Variants in ZNF407 observed in about 807,000 individuals in gnomAD.
The protein encoded by ZNF407 is zinc finger protein 407.
ZNF407 carries 17 observed loss-of-function variants against 131.2 expected under a neutral mutation model. That is an observed-to-expected ratio of 0.13 (90% CI 0.09 to 0.19). The LOEUF is 0.19. ZNF407 is among the 10% of genes least tolerant of loss of function. The pLI, the probability that ZNF407 is intolerant of heterozygous loss-of-function variation, is 1.00. For synonymous variants in ZNF407, 1,156 were observed against 1,062.0 expected, an observed-to-expected ratio of 1.09 and a Z score of -1.72; for missense variants, 2,681 against 2,830.6, an observed-to-expected ratio of 0.95 and a Z score of 1.20.
chr18:74,841,817 C>T (rs1970637763), intron 4 of ZNF407, among the ~76,000 whole-genome samples: 1 of 152,200 alleles, frequency 6.6e-6, no homozygotes, highest in African/African-American at 2.4e-5. Flanking sequence ...TCTAGGTTAT[C>T]CCTAGACTCA....
At chr18:74,980,905 C>T (rs1436449679) in intron 8 of ZNF407, among the ~76,000 whole-genome samples, 1 of 152,184 alleles carries the variant, frequency 6.6e-6, no homozygotes, top group Admixed American at 6.5e-5. Context: ...GCCCCAGACA[C>T]ACTGGGGATT....
intron 4 of ZNF407, among the ~76,000 whole-genome samples, chr18:74,788,989 A>G (rs9956335): frequency 0.65 from 98,886 of 151,796 alleles, 33,975 homozygotes; most frequent in East Asian, 0.95. Context: ...TTCTTCACCT[A>G]TTTATTCTCT....
At chr18:74,904,820 T>C (rs2554128) in intron 7 of ZNF407, among the ~76,000 whole-genome samples, 148,881 of 152,300 alleles carry the variant, frequency 0.98, 72,866 homozygotes, top group East Asian at 1. Flanking sequence ...GAAAATCTCA[T>C]ATGATAAATA....
intron 8 of ZNF407, among the ~76,000 whole-genome samples, chr18:75,007,130 G>C (rs1002287654): frequency 2.8e-4 from 43 of 152,028 alleles, no homozygotes; most frequent in African/African-American, 1.0e-3. Context: ...TGGAAAACTT[G>C]GTGTTTTGGC....
At chr18:74,885,286 A>G (rs1971292795) in intron 6 of ZNF407, among the ~76,000 whole-genome samples, 1 of 152,206 alleles carries the variant, frequency 6.6e-6, no homozygotes, top group Non-Finnish European at 1.5e-5. Context: ...ATATTTAAAG[A>G]TAAAGTTAAT....
chr18:75,059,567 C>T (rs1411685716), intron 8 of ZNF407, among the ~76,000 whole-genome samples: 1 of 152,012 alleles, frequency 6.6e-6, no homozygotes, highest in Non-Finnish European at 1.5e-5. Flanking sequence ...GTGAAGATGG[C>T]GCTGGGTAGA....
At chr18:74,970,698 C>T (rs1972462697) in intron 8 of ZNF407, among the ~76,000 whole-genome samples, 1 of 152,228 alleles carries the variant, frequency 6.6e-6, no homozygotes, top group Non-Finnish European at 1.5e-5. Context: ...CTTTCCTGGG[C>T]TGGTGTTGAG....
intron 4 of ZNF407, among the ~76,000 whole-genome samples, chr18:74,787,524 G>T (rs1165743007): frequency 6.6e-6 from 1 of 152,192 alleles, no homozygotes; most frequent in African/African-American, 2.4e-5. Flanking sequence ...CCTCTGCGGG[G>T]TGGAGAGCCT....
At chr18:74,883,760 G>T (rs909703986) in intron 6 of ZNF407, among the ~76,000 whole-genome samples, 6 of 152,194 alleles carry the variant, frequency 3.9e-5, no homozygotes, top group Non-Finnish European at 7.3e-5. Context: ...CAGCCCTTCT[G>T]CTGTTCATCC....
At chr18:74,704,271 C>T (rs1384676050) in intron 3 of ZNF407, among the ~76,000 whole-genome samples, 1 of 152,194 alleles carries the variant, frequency 6.6e-6, no homozygotes, top group African/African-American at 2.4e-5. Context: ...TTCGAAGCAT[C>T]TTGGCACAGG....
chr18:74,753,309 C>T (rs143481284), intron 3 of ZNF407, among the ~76,000 whole-genome samples: 2 of 152,148 alleles, frequency 1.3e-5, no homozygotes, highest in Admixed American at 1.3e-4. Flanking sequence ...TGCAAACAGG[C>T]ACAATTTGAC....
At chr18:74,818,491 TTTTTG>T (rs1438775195) in intron 4 of ZNF407, among the ~76,000 whole-genome samples, 1 of 152,240 alleles carries the variant, frequency 6.6e-6, no homozygotes, top group Non-Finnish European at 1.5e-5. Flanking sequence ...TGAGTTTGAT[TTTTTG>T]CACATGCACA....
intron 8 of ZNF407, among the ~76,000 whole-genome samples, chr18:75,055,418 C>T (rs1018987364): frequency 4.6e-5 from 7 of 152,202 alleles, no homozygotes; most frequent in African/African-American, 1.7e-4. Flanking sequence ...CTCTCCACCC[C>T]ACAAAGCCCG....
At chr18:74,713,906 T>A (rs1967830298) in intron 3 of ZNF407, among the ~76,000 whole-genome samples, 2 of 152,200 alleles carry the variant, frequency 1.3e-5, no homozygotes, top group Admixed American at 6.5e-5. Context: ...ATGGCAGAAC[T>A]AACAGTAGTG....
At chr18:74,974,110 G>A (rs894701676) in intron 8 of ZNF407, among the ~76,000 whole-genome samples, 3 of 152,168 alleles carry the variant, frequency 2.0e-5, no homozygotes, top group African/African-American at 7.2e-5. Context: ...TAGCTAATAT[G>A]AAAGGAATTT....
At chr18:74,809,013 A>AG (rs1970155381) in intron 4 of ZNF407, among the ~76,000 whole-genome samples, 1 of 152,178 alleles carries the variant, frequency 6.6e-6, no homozygotes, top group Admixed American at 6.5e-5. Context: ...CCGTGGGTAA[A>AG]TAAGAGTGCT....
Position 74,635,262 on chromosome 18 carries a change from C to A in ZNF407, c.4243C>A (p.Arg1415Ser), listed in dbSNP as rs551880785. Residue 1415 changes from arginine (R) to serine (S), a missense_variant, in exon 2 of 9, where the codon CGC (arginine) becomes AGC (serine). Arg to Ser is a moderately radical substitution (Grantham distance 110). This residue lies in a region of ZNF407 where 1,789 missense variants were observed against 1,748.7 expected (regional missense o/e 1.02). Coordinates refer to ENST00000299687, the MANE Select transcript of ZNF407 (RefSeq NM_017757.3). The surrounding 1 kb of genome is among the most constrained non-coding windows in gnomAD (Gnocchi z 4.7). ...GSSIGESTRI[R>S]CDDCGFLADG... ...TTCCATTGGTGAGTCTACACGAATT[C>A]GCTGTGATGATTGTGGCTTCTTAGC... 1.2e-6 allele frequency: 2 copies of A among 1,613,884 alleles called. No individual in the cohort carries two copies. Among genetic ancestry groups the A allele is most frequent in the Non-Finnish European group, 1.7e-6 (2 of 1,179,912 alleles).
At chr18:74,874,500 G>T (rs368777460) in intron 4 of ZNF407, among the ~76,000 whole-genome samples, 4 of 152,160 alleles carry the variant, frequency 2.6e-5, no homozygotes, top group Non-Finnish European at 5.9e-5. Flanking sequence ...TCCTTGGGGG[G>T]TGGCAGGCGA....
At chr18:74,745,090 C>G (rs551227040) in intron 3 of ZNF407, among the ~76,000 whole-genome samples, 1 of 152,156 alleles carries the variant, frequency 6.6e-6, no homozygotes, top group East Asian at 1.9e-4. Flanking sequence ...ACCTGAAAGT[C>G]ACATCTGTTC....
Sources: allele counts gnomAD v4.1 joint callset (sites outside exome capture counted in the v4.1 genomes callset), GRCh38; gene constraint gnomAD v4.1.1; regional missense constraint gnomAD v4.1.1; non-coding constraint Gnocchi (gnomAD v3.1); transcripts MANE v1.5; gene names NCBI Gene and HGNC (gene_info 2026-07-23, HGNC 2026-07-21).